FRMPD4: variants seen among roughly 807,000 people sequenced by gnomAD.
FRMPD4 encodes FERM and PDZ domain containing 4.
A neutral mutation model predicts 94.1 loss-of-function variants in FRMPD4; 22 were observed. The observed-to-expected ratio is 0.23, with a 90% CI of 0.17 to 0.33. The LOEUF (loss-of-function observed/expected upper bound fraction) is 0.33. Ranked by LOEUF, FRMPD4 falls within the 10% of genes least tolerant of loss-of-function variation. The probability of loss-of-function intolerance (pLI) is 1.00; values close to 1 mark genes in which losing one functional copy is unlikely to be tolerated. For missense variants in FRMPD4, 1,111 were observed against 1,339.9 expected (o/e 0.83, Z 2.67); for synonymous variants, 631 against 548.6 (o/e 1.15, Z -2.10).
chrX:12,090,461 C>T (rs1189130345), intron 3 of FRMPD4, among the ~76,000 whole-genome samples: 1 of 109,600 alleles, frequency 9.1e-6, no homozygotes, highest in Non-Finnish European at 1.9e-5. Context: ...TTTTAAATTG[C>T]CCAATCTCAG....
intron 3 of FRMPD4, among the ~76,000 whole-genome samples, chrX:11,979,192 C>T (rs760026526): frequency 9.0e-6 from 1 of 111,667 alleles, no homozygotes; most frequent in Non-Finnish European, 1.9e-5. Flanking sequence ...AATTGTCTTG[C>T]TGTTTTTTAT....
At chrX:12,292,298 G>A (rs2054702389) in intron 1 of FRMPD4, among the ~76,000 whole-genome samples, 1 of 111,749 alleles carries the variant, frequency 8.9e-6, no homozygotes, top group South Asian at 3.8e-4. Flanking sequence ...GAAAAGTGTT[G>A]TTGTGGGCGT....
At chrX:12,716,001 T>TGGGGGCCCCCCCCCCCCCCCCC in intron 14 of FRMPD4, 68 bp from the exon 15 acceptor site, 1 of 231,656 alleles carries the variant, frequency 4.3e-6, no homozygotes, top group Non-Finnish European at 8.2e-6. Context: ...GAGACGAGCC[T>TGGGGGCCCCCCCCCCCCCCCCC]CCCACCCCCG....
intron 1 of FRMPD4, among the ~76,000 whole-genome samples, chrX:12,161,876 C>T (rs925355804): frequency 9.0e-6 from 1 of 111,695 alleles, no homozygotes; most frequent in African/African-American, 3.3e-5. Flanking sequence ...GGTTTATCTC[C>T]TCTCTTAAAA....
At chrX:12,560,742 C>CTTTTTTTTTTTT (rs749269384) in intron 2 of FRMPD4, among the ~76,000 whole-genome samples, 2 of 43,445 alleles carry the variant, frequency 4.6e-5, no homozygotes, top group Non-Finnish European at 8.5e-5. Flanking sequence ...CTCCCCTCAT[C>CTTTTTTTTTTTT]TTTTTTTTTT....
intron 1 of FRMPD4, among the ~76,000 whole-genome samples, chrX:12,221,165 T>G (rs1431285593): frequency 8.9e-6 from 1 of 112,311 alleles, no homozygotes; most frequent in Non-Finnish European, 1.9e-5. Context: ...CACTTAAGTT[T>G]ACTTATTAAA....
chrX:12,402,018 C>T (rs1000838101), intron 1 of FRMPD4, among the ~76,000 whole-genome samples: 2 of 110,782 alleles, frequency 1.8e-5, no homozygotes, highest in African/African-American at 6.6e-5. Flanking sequence ...TGAAAGTAGC[C>T]AGCTGTGTGC....
intron 2 of FRMPD4, among the ~76,000 whole-genome samples, chrX:12,517,181 A>G (rs192519595): frequency 2.2e-4 from 24 of 110,665 alleles, no homozygotes; most frequent in Non-Finnish European, 4.3e-4. Flanking sequence ...GTTCGTTATT[A>G]CCCACCTTCT....
rs2042079796 is a variant in FRMPD4 at position 12,716,284 on chromosome X, C to A, written c.1825C>A (p.Gln609Lys). ...CTATAGTTCAGATGGACTTAACCAG[C>A]AGCTGAGCCAGCCCGGGGAGGCCCC... The part of the protein sequence containing the change: ...NAYSSDGLNQ[Q>K]LSQPGEAPCE... The change falls in exon 15 of 17, where the codon CAG (glutamine) becomes AAG (lysine). Residue 609 changes from glutamine (Q) to lysine (K), a missense_variant. Gln to Lys is a moderately conservative substitution (Grantham distance 53). Transcript: ENST00000675598. 1.7e-6 allele frequency: 2 copies of A among 1,208,404 alleles called. No individual in the cohort carries two copies. Among genetic ancestry groups the A allele is most frequent in the African/African-American group, 3.5e-5 (2 of 57,240 alleles).
At chrX:12,703,348 G>A (rs1015736023) in intron 10 of FRMPD4, among the ~76,000 whole-genome samples, 1 of 112,472 alleles carries the variant, frequency 8.9e-6, no homozygotes. Context: ...TTACAAGAAA[G>A]CCCATAAGTA....
chrX:12,182,712 C>T (rs2056375905), intron 1 of FRMPD4, among the ~76,000 whole-genome samples: 1 of 110,791 alleles, frequency 9.0e-6, no homozygotes, highest in African/African-American at 3.3e-5. Flanking sequence ...GTGAGGAGAA[C>T]TAGGTAGCCC....
intron 3 of FRMPD4, among the ~76,000 whole-genome samples, chrX:12,011,310 C>T (rs1036305638): frequency 1.8e-5 from 2 of 111,825 alleles, no homozygotes; most frequent in Non-Finnish European, 3.8e-5. Context: ...AGGATAGAAC[C>T]ATGAGGAGGT....
chrX:12,193,838 G>GGAAGAAAGAAAAGA, intron 1 of FRMPD4, among the ~76,000 whole-genome samples: 1 of 59,959 alleles, frequency 1.7e-5, no homozygotes, highest in East Asian at 1.0e-3. Context: ...AGGGAAGGAA[G>GGAAGAAAGAAAAGA]AAAGAAAAGA....
At chrX:12,543,004 A>G (rs1250545825) in intron 2 of FRMPD4, among the ~76,000 whole-genome samples, 1 of 112,326 alleles carries the variant, frequency 8.9e-6, no homozygotes, top group Non-Finnish European at 1.9e-5. Context: ...TTCCCTTTTT[A>G]ATAAATGGTG....
chrX:12,006,707 G>A (rs1404005447), intron 3 of FRMPD4, among the ~76,000 whole-genome samples: 2 of 111,770 alleles, frequency 1.8e-5, no homozygotes, highest in South Asian at 3.8e-4. Flanking sequence ...AATCTTACTC[G>A]ATGAGACTGA....
chrX:12,181,728 C>T, intron 1 of FRMPD4, among the ~76,000 whole-genome samples: 1 of 111,326 alleles, frequency 9.0e-6, no homozygotes. Context: ...CAGACAGTGG[C>T]AGCACAGTAT....
At chrX:12,417,166 T>C (rs1250855603) in intron 1 of FRMPD4, among the ~76,000 whole-genome samples, 3 of 111,633 alleles carry the variant, frequency 2.7e-5, no homozygotes, top group Admixed American at 9.5e-5. Context: ...TAAGCTACTT[T>C]TTGCATTGCC....
chrX:12,083,235 G>A (rs2055076671), intron 3 of FRMPD4, among the ~76,000 whole-genome samples: 2 of 112,863 alleles, frequency 1.8e-5, no homozygotes, highest in Admixed American at 1.8e-4. Flanking sequence ...GGTGCCCTGC[G>A]TCCCAGCCAC....
chrX:12,094,492 C>T (rs2055181611), intron 3 of FRMPD4, among the ~76,000 whole-genome samples: 1 of 112,053 alleles, frequency 8.9e-6, no homozygotes, highest in African/African-American at 3.3e-5. Context: ...CATGCTGTGC[C>T]CACACCATTT....
Sources: gnomAD v4.1 joint callset for allele counts (sites outside exome capture counted in the v4.1 genomes callset) on GRCh38, gnomAD v4.1.1 for gene constraint, MANE v1.5 for transcripts, NCBI Gene and HGNC (gene_info 2026-07-23, HGNC 2026-07-21) for gene names.